Variants in ADAMTS15 observed in about 807,000 individuals in gnomAD.
ADAMTS15 encodes the protein ADAM metallopeptidase with thrombospondin type 1 motif 15.
ADAMTS15 carries 35 observed loss-of-function variants against 79.1 expected under a neutral mutation model. That is an observed-to-expected ratio of 0.44 (90% CI 0.34 to 0.59). ADAMTS15 has a LOEUF of 0.59. Ranked by LOEUF, ADAMTS15 falls within the 20% of genes least tolerant of loss-of-function variation. The pLI is 0.02. For synonymous variants in ADAMTS15, 616 were observed against 567.3 expected, an observed-to-expected ratio of 1.09 and a Z score of -1.22; for missense variants, 1,324 against 1,318.7, an observed-to-expected ratio of 1.00 and a Z score of -0.06.
rs1198595122 is a variant in ADAMTS15, at chr11:130,471,331, G to T, written c.2026G>T (p.Gly676Trp). 3 of 1,612,474 alleles carry T rather than the reference G, an allele frequency of 1.9e-6. No individual in the cohort carries two copies. Among genetic ancestry groups the T allele is most frequent in the Non-Finnish European group, 1.7e-6 (2 of 1,179,712 alleles). ...KKRFDKCGVC[G>W]GDNKSCKKVT... The stretch of plus-strand genomic sequence containing the variant: ...GAGATTCGACAAGTGTGGGGTGTGT[G>T]GGGGAGACAATAAGAGCTGCAAGAA... Residue 676 changes from glycine to tryptophan, a missense_variant, in exon 7 of 8, where the codon GGG (glycine) becomes TGG (tryptophan). Physicochemically the swap from Gly to Trp is radical, Grantham distance 184. Transcript: ENST00000299164.
chr11:130,470,160 A>ATATATATATATATG (rs1938404981), intron 5 of ADAMTS15, among the ~76,000 whole-genome samples: 1 of 57,314 alleles, frequency 1.7e-5, no homozygotes, highest in African/African-American at 1.0e-4. Flanking sequence ...ATGTGTATAT[A>ATATATATATATATG]TATATATATA....
intron 4 of ADAMTS15, among the ~76,000 whole-genome samples, chr11:130,467,092 A>G (rs1218173240): frequency 6.6e-6 from 1 of 152,250 alleles, no homozygotes. Context: ...TGAATGGCAC[A>G]GGGCGGGAGC....
Position 130,449,030 on chromosome 11 carries a change from T to A in ADAMTS15, c.57T>A (p.Ser19=). The change falls in exon 1 of 8, where the codon TCT becomes TCA. Residue 19 remains serine (S), a synonymous_variant. Transcript: ENST00000299164. This position sits in a 1 kb window ranked among gnomAD's most constrained non-coding sequence, Gnocchi z 7.8. Reference sequence around the variant, plus strand: ...TCGCCGGGCGAACCGCTGGAGGCTCTGAGCCAGAGCGGGAGGTAGTCGTTC... The same window carrying A: ...TCGCCGGGCGAACCGCTGGAGGCTCAGAGCCAGAGCGGGAGGTAGTCGTTC... ...LAFAGRTAGG[S]EPEREVVVPI... 1.3e-6 allele frequency: 2 copies of A among 1,526,752 alleles called. No individual in the cohort carries two copies. Among genetic ancestry groups the A allele is most frequent in the Non-Finnish European group, 1.8e-6 (2 of 1,136,112 alleles). 94.6% of individuals were successfully genotyped at this position (1,526,752 alleles called of 1,614,324 possible).
At chr11:130,461,795 C>T (rs1189587783) in intron 2 of ADAMTS15, among the ~76,000 whole-genome samples, 174 bp downstream of exon 2, 1 of 152,154 alleles carries the variant, frequency 6.6e-6, no homozygotes, top group Non-Finnish European at 1.5e-5. Flanking sequence ...CCCCGCTGGC[C>T]AATGACGTGG....
chr11:130,470,212 A>ATATATG (rs1938422528), intron 5 of ADAMTS15, among the ~76,000 whole-genome samples: 2 of 52,302 alleles, frequency 3.8e-5, no homozygotes, highest in African/African-American at 2.3e-4. Flanking sequence ...ATATATATGT[A>ATATATG]TATATATATA....
chr11:130,461,699 C>A (rs1219449930), intron 2 of ADAMTS15, 78 bp downstream of exon 2: 2 of 1,580,696 alleles, frequency 1.3e-6, no homozygotes, highest in African/African-American at 2.7e-5. Context: ...TGTGTCTTTG[C>A]CCCCTTGTGT....
At chr11:130,463,374 A>G (rs185002724) in intron 4 of ADAMTS15, among the ~76,000 whole-genome samples, 2 of 152,384 alleles carry the variant, frequency 1.3e-5, no homozygotes, top group Admixed American at 1.3e-4. Context: ...TACGAATAGC[A>G]ACCAAACAAG....
At chr11:130,458,141 G>A (rs1938125093) in intron 1 of ADAMTS15, among the ~76,000 whole-genome samples, 1 of 152,176 alleles carries the variant, frequency 6.6e-6, no homozygotes, top group Non-Finnish European at 1.5e-5. Context: ...CCACAGAGGC[G>A]GCTGCGGGGT....
intron 1 of ADAMTS15, among the ~76,000 whole-genome samples, chr11:130,459,324 C>T (rs1025598471): frequency 1.3e-5 from 2 of 152,106 alleles, no homozygotes; most frequent in Admixed American, 1.3e-4. Flanking sequence ...ACCATCATGC[C>T]TGGCTAATTT....
At chr11:130,464,163 C>A (rs928791310) in intron 4 of ADAMTS15, among the ~76,000 whole-genome samples, 4 of 152,156 alleles carry the variant, frequency 2.6e-5, no homozygotes, top group African/African-American at 9.7e-5. Context: ...GTCCTGAGGA[C>A]AGGCAATATG....
chr11:130,461,118 G>C (rs981002925), intron 1 of ADAMTS15, among the ~76,000 whole-genome samples: 3 of 152,202 alleles, frequency 2.0e-5, no homozygotes, highest in Admixed American at 1.3e-4. Flanking sequence ...TTGCCTCAGC[G>C]AGCCTCCCTT....
chr11:130,456,254 G>T (rs899806250), intron 1 of ADAMTS15, among the ~76,000 whole-genome samples: 1 of 152,114 alleles, frequency 6.6e-6, no homozygotes, highest in African/African-American at 2.4e-5. Flanking sequence ...CTTCTTGTAG[G>T]CGCCCTCTCT....
At chr11:130,470,141 T>C (rs1938396270) in intron 5 of ADAMTS15, among the ~76,000 whole-genome samples, 1 of 68,072 alleles carries the variant, frequency 1.5e-5, no homozygotes, top group Non-Finnish European at 2.8e-5. Context: ...TACATATATA[T>C]ATATATATAT....
chr11:130,473,640 G>C lies in ADAMTS15; in HGVS notation c.2672G>C (p.Gly891Ala). 6.2e-7 allele frequency: 1 copy of C among 1,608,196 alleles called. No individual in the cohort carries two copies. Among genetic ancestry groups the C allele is most frequent in the Non-Finnish European group, 8.5e-7 (1 of 1,179,870 alleles). The stretch of plus-strand genomic sequence containing the variant: ...CGGCCCGTGGAGACACAAGCCTGCG[G>C]GGAGCCCTGCCCCACCTGGGAGCTC... ...AHRPVETQAC[G>A]EPCPTWELSA... Residue 891 changes from glycine (G) to alanine (A), a missense_variant, in exon 8 of 8, where the codon GGG (glycine) becomes GCG (alanine). Coordinates refer to ENST00000299164, the MANE Select transcript of ADAMTS15 (RefSeq NM_139055.4).
chr11:130,466,017 C>T (rs368535944), intron 4 of ADAMTS15, among the ~76,000 whole-genome samples: 3 of 152,050 alleles, frequency 2.0e-5, no homozygotes, highest in African/African-American at 7.2e-5. Flanking sequence ...GGATTACAGG[C>T]GCCCGCCACC....
chr11:130,469,255 C>A lies in ADAMTS15; in HGVS notation c.1543-7C>A. ...CACCAAGGAATATAACAGGCTCTTC[C>A]TCACAGGTGGATGGTTCCTGGGCCA... On this transcript the variant is annotated splice_polypyrimidine_tract_variant and splice_region_variant and intron_variant, in intron 4 of 7. Transcript: ENST00000299164. 1 of 1,390,326 alleles carries A rather than the reference C, an allele frequency of 7.2e-7. No homozygotes were observed. The highest frequency in any genetic ancestry group is 9.4e-7 in the Non-Finnish European group (1 of 1,067,200). 86.1% of individuals were successfully genotyped at this position (1,390,326 alleles called of 1,614,324 possible).
chr11:130,468,939 C>CAAAAAAAAAA (rs911391031), intron 4 of ADAMTS15, among the ~76,000 whole-genome samples: 6 of 27,848 alleles, frequency 2.2e-4, no homozygotes, highest in Non-Finnish European at 3.1e-4. Flanking sequence ...TCCACCTCAA[C>CAAAAAAAAAA]AAAAAAAAAA....
At position 130,462,278 on chromosome 11, in the gene ADAMTS15, A is replaced by C; in HGVS notation, c.1258+24A>C. 1 of 1,599,264 alleles carries C rather than the reference A, an allele frequency of 6.3e-7. No individual in the cohort carries two copies. Among genetic ancestry groups the C allele is most frequent in the Non-Finnish European group, 8.5e-7 (1 of 1,170,794 alleles). On this transcript the variant is annotated intron_variant, in intron 3 of 7. Coordinates refer to ENST00000299164, the MANE Select transcript of ADAMTS15 (RefSeq NM_139055.4). This position sits in a 1 kb window ranked among gnomAD's most constrained non-coding sequence, Gnocchi z 4.3. ...CGGTAAGCCAGGACGGCGGGAGGGCAATGAGGCCGCCTCGGAGGGGGCTTT... is the reference window on the plus strand; with the variant it reads ...CGGTAAGCCAGGACGGCGGGAGGGCCATGAGGCCGCCTCGGAGGGGGCTTT...
At chr11:130,464,160 G>A (rs1938258004) in intron 4 of ADAMTS15, among the ~76,000 whole-genome samples, 1 of 152,192 alleles carries the variant, frequency 6.6e-6, no homozygotes, top group Non-Finnish European at 1.5e-5. Context: ...AAGGTCCTGA[G>A]GACAGGCAAT....
Sources: allele counts gnomAD v4.1 joint callset (sites outside exome capture counted in the v4.1 genomes callset), GRCh38; gene constraint gnomAD v4.1.1; non-coding constraint Gnocchi (gnomAD v3.1); transcripts MANE v1.5; gene names NCBI Gene and HGNC (gene_info 2026-07-23, HGNC 2026-07-21).